Variants in WDR7 observed in about 807,000 individuals in gnomAD.
The protein encoded by WDR7 is WD repeat domain 7, also known as WD repeat-containing protein 7.
Under a neutral mutation model 169.4 loss-of-function variants are expected in WDR7, and 46 were observed. The ratio of observed to expected loss-of-function variants is 0.27; its 90% CI spans 0.21 to 0.35. The LOEUF is 0.35. WDR7 is among the 10% of genes least tolerant of loss of function. The pLI is 1.00. For synonymous variants in WDR7, 612 were observed against 666.8 expected, an observed-to-expected ratio of 0.92 and a Z score of 1.27; for missense variants, 1,534 against 1,859.3, an observed-to-expected ratio of 0.83 and a Z score of 3.22.
chr18:56,754,245 CTT>C (rs1453755386), intron 14 of WDR7, among the ~76,000 whole-genome samples: 5 of 73,008 alleles, frequency 6.8e-5, no homozygotes, highest in South Asian at 5.2e-4. Context: ...ATGTTTTGTG[CTT>C]TGTGTGTGTG....
At chr18:57,022,221 A>AT (rs2048302901) in intron 27 of WDR7, among the ~76,000 whole-genome samples, 1 of 152,108 alleles carries the variant, frequency 6.6e-6, no homozygotes, top group African/African-American at 2.4e-5. Flanking sequence ...TTACCTACTG[A>AT]TTTTTTTGGG....
chr18:56,674,633 T>A (rs1456996058), intron 2 of WDR7, among the ~76,000 whole-genome samples: 2 of 152,136 alleles, frequency 1.3e-5, no homozygotes, highest in African/African-American at 4.8e-5. Flanking sequence ...TTTTTCACTT[T>A]CTCGATTGTG....
At chr18:56,721,031 T>C (rs919453475) in intron 13 of WDR7, among the ~76,000 whole-genome samples, 6 of 151,922 alleles carry the variant, frequency 3.9e-5, no homozygotes, top group African/African-American at 1.4e-4. Context: ...TATTTATTTA[T>C]TAAATTTATT....
intron 26 of WDR7, among the ~76,000 whole-genome samples, chr18:56,966,708 G>A (rs568850439): frequency 4.8e-4 from 73 of 152,232 alleles, no homozygotes; most frequent in African/African-American, 1.6e-3. Flanking sequence ...AGAGTCAACT[G>A]TACTACAAAG....
At chr18:56,693,467 G>A (rs556521605) in intron 9 of WDR7, among the ~76,000 whole-genome samples, 2 of 151,096 alleles carry the variant, frequency 1.3e-5, no homozygotes, top group East Asian at 3.9e-4. Context: ...GAAAATATGA[G>A]CAAGTAAAAC....
intron 13 of WDR7, among the ~76,000 whole-genome samples, chr18:56,721,254 G>T (rs1378435020): frequency 6.6e-6 from 1 of 151,950 alleles, no homozygotes; most frequent in Non-Finnish European, 1.5e-5. Flanking sequence ...GATGTTTCTA[G>T]TGTAAAACAC....
At chr18:56,696,515 T>G in intron 12 of WDR7, 53 bp downstream of exon 12, 1 of 1,421,890 alleles carries the variant, frequency 7.0e-7, no homozygotes, top group South Asian at 1.3e-5. Flanking sequence ...CAAGTTATAT[T>G]ACTATCAGGA....
At chr18:56,888,217 G>A (rs938808884) in intron 21 of WDR7, among the ~76,000 whole-genome samples, 14 of 152,182 alleles carry the variant, frequency 9.2e-5, no homozygotes, top group African/African-American at 2.4e-4. Context: ...GTTTTGTAAC[G>A]TATCTTATAC....
At chr18:56,808,017 A>G (rs1440565974) in intron 19 of WDR7, among the ~76,000 whole-genome samples, 1 of 152,172 alleles carries the variant, frequency 6.6e-6, no homozygotes, top group African/African-American at 2.4e-5. Flanking sequence ...TTATCTTTCT[A>G]TGGCCTTTGT....
intron 21 of WDR7, among the ~76,000 whole-genome samples, chr18:56,919,511 CG>C (rs1007002886): frequency 1.7e-3 from 86 of 50,190 alleles, no homozygotes; most frequent in African/African-American, 3.9e-3. Flanking sequence ...GGGAGATGCT[CG>C]TTAACTCAGC....
chr18:56,968,303 C>A (rs973990741), intron 26 of WDR7, among the ~76,000 whole-genome samples: 2 of 152,074 alleles, frequency 1.3e-5, no homozygotes, highest in Non-Finnish European at 1.5e-5. Context: ...AACTAAAAAA[C>A]TCTGAGGCTT....
chr18:56,692,443 T>G (rs866334378), intron 9 of WDR7, among the ~76,000 whole-genome samples: 1 of 151,140 alleles, frequency 6.6e-6, no homozygotes, highest in Admixed American at 6.6e-5. Flanking sequence ...TTTTTTTGTT[T>G]TTTTTTTTTT....
intron 20 of WDR7, among the ~76,000 whole-genome samples, chr18:56,838,019 T>C (rs2045421318): frequency 6.6e-6 from 1 of 152,204 alleles, no homozygotes; most frequent in Admixed American, 6.5e-5. Context: ...TACATTTCTA[T>C]TTAGACAGAA....
intron 3 of WDR7, among the ~76,000 whole-genome samples, chr18:56,680,713 A>G (rs1350613667): frequency 6.6e-6 from 1 of 152,218 alleles, no homozygotes; most frequent in African/African-American, 2.4e-5. Context: ...TGTGCATTCA[A>G]TAAAATTACA....
chr18:56,735,780 G>A (rs936286784), intron 14 of WDR7, among the ~76,000 whole-genome samples: 3 of 152,118 alleles, frequency 2.0e-5, no homozygotes, highest in African/African-American at 7.2e-5. Context: ...TGTGAAAGCA[G>A]GCATAGACAA....
chr18:56,680,694 G>GT (rs901694103), intron 3 of WDR7, among the ~76,000 whole-genome samples: 3 of 151,972 alleles, frequency 2.0e-5, no homozygotes, highest in African/African-American at 7.3e-5. Context: ...CTTATATCTA[G>GT]TTTTTTTGTG....
intron 19 of WDR7, among the ~76,000 whole-genome samples, chr18:56,793,349 C>A (rs1028298685): frequency 6.6e-6 from 1 of 152,194 alleles, no homozygotes; most frequent in Non-Finnish European, 1.5e-5. Context: ...CCATGCTGCA[C>A]TTGACAAACC....
chr18:56,974,362 CTTTTT>C (rs34901751), intron 26 of WDR7, among the ~76,000 whole-genome samples: 1 of 111,816 alleles, frequency 8.9e-6, no homozygotes, highest in African/African-American at 3.5e-5. Context: ...GCTTTTCTTG[CTTTTT>C]TTTTTTTTTT....
chr18:56,935,660 C>T (rs2046949710), intron 22 of WDR7, 128 bp from the exon 23 acceptor site: 1 of 818,770 alleles, frequency 1.2e-6, no homozygotes, highest in Non-Finnish European at 2.0e-6. Context: ...TGTTGCAAGT[C>T]CATTATATTC....
Sources: gnomAD v4.1 joint callset for allele counts (sites outside exome capture counted in the v4.1 genomes callset) on GRCh38, gnomAD v4.1.1 for gene constraint, MANE v1.5 for transcripts, NCBI Gene and HGNC (gene_info 2026-07-23, HGNC 2026-07-21) for gene names.